The following HOXD11 variants were observed in gnomAD, a reference collection of about 807,000 sequenced individuals.
HOXD11 encodes the protein homeobox D11, also known as homeobox protein Hox-D11.
Under a neutral mutation model 23.1 loss-of-function variants are expected in HOXD11, and 16 were observed. The ratio of observed to expected loss-of-function variants is 0.69; its 90% CI spans 0.47 to 1.05. The LOEUF is 1.05. HOXD11 is among the 50% of genes least tolerant of loss of function. The pLI, the probability that HOXD11 is intolerant of heterozygous loss-of-function variation, is 0.00. For synonymous variants in HOXD11, 262 were observed against 224.4 expected, an observed-to-expected ratio of 1.17 and a Z score of -1.50; for missense variants, 564 against 495.6, an observed-to-expected ratio of 1.14 and a Z score of -1.31.
At chr2:176,110,434 A>G (rs1198375771), downstream of HOXD11, among the ~76,000 whole-genome samples, 2 of 152,232 alleles carry the variant, frequency 1.3e-5, no homozygotes, top group Admixed American at 6.5e-5. Flanking sequence ...CTCTCTGAAA[A>G]GAGTGAAGTG....
downstream of HOXD11, among the ~76,000 whole-genome samples, chr2:176,111,843 A>AAAAAAAAAAAAAAAAAAAAAAAAAC (rs1559115548): frequency 6.8e-6 from 1 of 148,096 alleles, no homozygotes; most frequent in African/African-American, 2.5e-5. Flanking sequence ...AAAAAAAAAA[A>AAAAAAAAAAAAAAAAAAAAAAAAAC]AAAAAACCTT....
downstream of HOXD11, among the ~76,000 whole-genome samples, chr2:176,111,841 A>AAAAAAAAAAAAAAAAC (rs1689679344): frequency 7.3e-6 from 1 of 136,766 alleles, no homozygotes; most frequent in Non-Finnish European, 1.7e-5. Flanking sequence ...AAAAAAAAAA[A>AAAAAAAAAAAAAAAAC]AAAAAAAACC....
chr2:176,108,483 G>C lies in HOXD11; in HGVS notation c.781+347G>C, dbSNP rs188810115. On this transcript the variant is annotated intron_variant, in intron 1 of 1. Coordinates refer to ENST00000249504, the MANE Select transcript of HOXD11 (RefSeq NM_021192.3). Reference sequence around the variant, plus strand: ...CTCCTGCTTTTAAGGGAGAGAGGCGGGGGGTGGGGAAGTGGGGGGAGTTTG... The same window carrying C: ...CTCCTGCTTTTAAGGGAGAGAGGCGCGGGGTGGGGAAGTGGGGGGAGTTTG... Among the ~76,000 whole-genome samples the C allele has an allele frequency of 1.5e-3, 223 of 152,024 alleles. 1 individual carries two copies. The highest frequency in any genetic ancestry group is 5.2e-3 in the African/African-American group (214 of 41,478).
chr2:176,111,826 C>CAAAAAAAA (rs1176283938), downstream of HOXD11, among the ~76,000 whole-genome samples: 90 of 22,702 alleles, frequency 4.0e-3, 7 homozygotes, highest in East Asian at 0.017. Flanking sequence ...CTCCCCCCCG[C>CAAAAAAAA]AAAAAAAAAA....
the HOXD11 span, among the ~76,000 whole-genome samples, chr2:176,115,039 G>A: frequency 5.3e-4 from 81 of 152,388 alleles, 1 homozygote; most frequent in African/African-American, 1.8e-3. Flanking sequence ...CTGCTGCCCC[G>A]AGGCCCGGGC....
chr2:176,114,373 G>A (rs574730246), downstream of HOXD11, among the ~76,000 whole-genome samples: 1 of 152,022 alleles, frequency 6.6e-6, no homozygotes, highest in Non-Finnish European at 1.5e-5. Flanking sequence ...CCCCAAGCTC[G>A]AAAACAGCCA....
downstream of HOXD11, among the ~76,000 whole-genome samples, chr2:176,112,002 C>A (rs893850635): frequency 2.6e-5 from 4 of 152,064 alleles, 1 homozygote; most frequent in South Asian, 8.3e-4. Context: ...AGCCCGCGGC[C>A]GTGCCTGGAG....
Position 176,108,941 on chromosome 2 carries a change from C to A in HOXD11, c.816C>A (p.Pro272=). 6.2e-7 allele frequency: 1 copy of A among 1,614,116 alleles called. No homozygotes were observed. The highest frequency in any genetic ancestry group is 8.5e-7 in the Non-Finnish European group (1 of 1,179,996). The part of the protein sequence containing the change: ...APQRSRKKRC[P]YTKYQIRELE... ...AGCGGTCCCGGAAAAAGCGCTGTCC[C>A]TATACCAAGTACCAGATCCGCGAAC... is the stretch of plus-strand genomic sequence containing the variant. The change falls in exon 2 of 2, where the codon CCC becomes CCA. Residue 272 remains proline, a synonymous_variant. Transcript: ENST00000249504.
downstream of HOXD11, chr2:176,111,400 C>G (rs911617570): frequency 6.6e-6 from 1 of 151,864 alleles, no homozygotes; most frequent in Non-Finnish European, 1.5e-5. Context: ...GAGATCCACA[C>G]GAGGGCGCGC....
rs1689632580 is a variant in HOXD11, at chr2:176,108,901, T to G, written c.782-6T>G. 6.2e-7 allele frequency: 1 copy of G among 1,608,258 alleles called. No individual in the cohort carries two copies. The highest frequency in any genetic ancestry group is 8.5e-7 in the Non-Finnish European group (1 of 1,174,884). ...TCTCTCACCCCCTGGTCTCTTTGCC[T>G]TGCAGTTGCCCCCCAGCGGTCCCGG... is the stretch of plus-strand genomic sequence containing the variant. On this transcript the variant is annotated splice_region_variant and splice_polypyrimidine_tract_variant and intron_variant, in intron 1 of 1. Coordinates refer to ENST00000249504, the MANE Select transcript of HOXD11 (RefSeq NM_021192.3).
rs780509024 is a variant in HOXD11, at chr2:176,107,445, C to G, written c.90C>G (p.Ser30Arg). ...AYYVAPSDFA[S>R]KPSFLSQPSS... is the part of the protein sequence containing the mutation. ...ATGTGGCCCCGTCTGACTTCGCTAG[C>G]AAGCCTTCGTTCCTTTCCCAACCGT... The change falls in exon 1 of 2, where the codon AGC (serine) becomes AGG (arginine). Residue 30 changes from serine (S) to arginine (R), a missense_variant. Physicochemically the swap from Ser to Arg is moderately radical, Grantham distance 110. Coordinates refer to ENST00000249504, the MANE Select transcript of HOXD11 (RefSeq NM_021192.3). The G allele has an allele frequency of 3.1e-6, 5 of 1,613,884 alleles. No homozygotes were observed. Among genetic ancestry groups the G allele is most frequent in the Admixed American group, 1.7e-5 (1 of 60,008 alleles).
the HOXD11 span, among the ~76,000 whole-genome samples, chr2:176,115,392 CCTT>C: frequency 2.0e-5 from 3 of 152,168 alleles, no homozygotes; most frequent in African/African-American, 7.2e-5. Context: ...ACAAAAATGA[CCTT>C]CTTGGTTAGC....
At chr2:176,108,238 T>G in intron 1 of HOXD11, 102 bp downstream of exon 1, 2 of 772,124 alleles carry the variant, frequency 2.6e-6, no homozygotes. Context: ...TGCTACTTTA[T>G]AAGCATTCGA....
the HOXD11 span, among the ~76,000 whole-genome samples, chr2:176,114,971 G>T: frequency 1.3e-5 from 2 of 152,260 alleles, no homozygotes; most frequent in Admixed American, 1.3e-4. Context: ...ACGGCTCCAA[G>T]CCCTGGCCGG....
At chr2:176,108,196 C>A (rs970995463) in intron 1 of HOXD11, 60 bp downstream of exon 1, 2 of 600,728 alleles carry the variant, frequency 3.3e-6, no homozygotes, top group Non-Finnish European at 2.4e-6. Flanking sequence ...GGGGGGGGGG[C>A]GGAGGCCTCC....
rs1222029741 is a variant in HOXD11, at chr2:176,108,955, A to G, written c.830A>G (p.Gln277Arg). ...AAGCGCTGTCCCTATACCAAGTACC[A>G]GATCCGCGAACTGGAACGCGAGTTT... ...RKKRCPYTKY[Q>R]IRELEREFFF... The change falls in exon 2 of 2, where the codon CAG becomes CGG. Residue 277 changes from glutamine (Q) to arginine (R), a missense_variant. Physicochemically the swap from Gln to Arg is conservative, Grantham distance 43. Transcript: ENST00000249504. 1 of 1,614,026 alleles carries G rather than the reference A, an allele frequency of 6.2e-7. No individual in the cohort carries two copies. The highest frequency in any genetic ancestry group is 1.3e-5 in the African/African-American group (1 of 74,914).
rs1343106903 is a variant in HOXD11 at position 176,108,131 on chromosome 2, G to A, written c.776G>A (p.Ser259Asn). Residue 259 changes from serine (S) to asparagine (N), a missense_variant, in exon 1 of 2, where the codon AGC becomes AAC. Coordinates refer to ENST00000249504, the MANE Select transcript of HOXD11 (RefSeq NM_021192.3). ...GAGGCGGGGGCCGAGAAGAGCAGCAGCGCAGGTAGGCACCGGGTACTGGGC... is the reference window on the plus strand; with the variant it reads ...GAGGCGGGGGCCGAGAAGAGCAGCAACGCAGGTAGGCACCGGGTACTGGGC... The part of the protein sequence containing the change: ...PGEAGAEKSS[S>N]AVAPQRSRKK... 7.6e-7 allele frequency: 1 copy of A among 1,317,060 alleles called. No homozygotes were observed. Among genetic ancestry groups the A allele is most frequent in the Non-Finnish European group, 9.7e-7 (1 of 1,033,304 alleles). 81.6% of individuals were successfully genotyped at this position (1,317,060 alleles called of 1,614,324 possible). A position where few individuals can be genotyped will look rare whatever the true frequency, so the allele number is the denominator to read the frequency against.
At chr2:176,114,847 A>G in the HOXD11 span, among the ~76,000 whole-genome samples, 1 of 152,236 alleles carries the variant, frequency 6.6e-6, no homozygotes, top group Non-Finnish European at 1.5e-5. Flanking sequence ...CCCAGCGAGT[A>G]CGGGGAAAAG....
chr2:176,108,038 C>T lies in HOXD11; in HGVS notation c.683C>T (p.Ala228Val). The change falls in exon 1 of 2, where the codon GCG (alanine) becomes GTG (valine). Residue 228 changes from alanine (A) to valine (V), a missense_variant. Transcript: ENST00000249504. The part of the protein sequence containing the change: ...GGGGGSPCTK[A>V]TPGSEPKGAA... Reference sequence around the variant, plus strand: ...GGCGGGGGCAGTCCCTGCACCAAGGCGACCCCTGGCTCGGAGCCCAAGGGG... The same window carrying T: ...GGCGGGGGCAGTCCCTGCACCAAGGTGACCCCTGGCTCGGAGCCCAAGGGG... The T allele has an allele frequency of 6.7e-7, 1 of 1,491,396 alleles. No individual in the cohort carries two copies. Among genetic ancestry groups the T allele is most frequent in the Non-Finnish European group, 8.9e-7 (1 of 1,126,314 alleles). 92.4% of individuals were successfully genotyped at this position (1,491,396 alleles called of 1,614,324 possible).
Sources: allele counts gnomAD v4.1 joint callset (sites outside exome capture counted in the v4.1 genomes callset), GRCh38; gene constraint gnomAD v4.1.1; transcripts MANE v1.5; gene names NCBI Gene and HGNC (gene_info 2026-07-23, HGNC 2026-07-21).